ZNF638: variants seen among roughly 807,000 people sequenced by gnomAD.
ZNF638 encodes CTCL tumor antigen se33-1.
ZNF638 carries 46 observed loss-of-function variants against 195.6 expected under a neutral mutation model. The ratio of observed to expected loss-of-function variants is 0.24; its 90% confidence interval spans 0.19 to 0.30. ZNF638 has a LOEUF of 0.30. ZNF638 is among the 10% of genes least tolerant of loss of function. The pLI, the probability that ZNF638 is intolerant of heterozygous loss-of-function variation, is 1.00. For synonymous variants in ZNF638, 845 were observed against 772.0 expected, an observed-to-expected ratio of 1.09 and a Z score of -1.57; for missense variants, 2,440 against 2,325.3, an observed-to-expected ratio of 1.05 and a Z score of -1.01.
chr2:71,380,163 A>G (rs369201668), intron 8 of ZNF638, 59 bp from the exon 9 acceptor site: 3 of 1,009,390 alleles, frequency 3.0e-6, no homozygotes, highest in South Asian at 3.8e-5. Context: ...TTTTTGTTCT[A>G]TATTTTCTAA....
intron 20 of ZNF638, among the ~76,000 whole-genome samples, chr2:71,417,218 C>T (rs1297755101): frequency 1.3e-5 from 2 of 151,698 alleles, no homozygotes; most frequent in Non-Finnish European, 2.9e-5. Context: ...GCGCAATATT[C>T]GGGTGGGAGT....
chr2:71,396,246 A>G (rs1244849526), intron 11 of ZNF638, 55 bp downstream of exon 11: 9 of 1,431,860 alleles, frequency 6.3e-6, no homozygotes, highest in African/African-American at 2.8e-5. Flanking sequence ...AATGTATTTT[A>G]AAATCGTATG....
intron 21 of ZNF638, among the ~76,000 whole-genome samples, chr2:71,419,220 T>G (rs183880487): frequency 8.5e-5 from 13 of 152,350 alleles, no homozygotes; most frequent in African/African-American, 3.1e-4. Flanking sequence ...AATAACTTTC[T>G]CATTCTGATG....
At chr2:71,411,915 G>A in intron 20 of ZNF638, among the ~76,000 whole-genome samples, 1 of 63,182 alleles carries the variant, frequency 1.6e-5, no homozygotes, top group East Asian at 5.8e-4. Context: ...TTGCTATTGT[G>A]AATAGTGCCG....
intron 3 of ZNF638, among the ~76,000 whole-genome samples, chr2:71,359,271 C>T (rs1030565402): frequency 6.6e-6 from 1 of 152,130 alleles, no homozygotes; most frequent in Non-Finnish European, 1.5e-5. Flanking sequence ...AGCTTCCAAA[C>T]CAAGGAAGCT....
At chr2:71,331,985 A>C in intron 1 of ZNF638, 110 bp downstream of exon 1, 1 of 942,758 alleles carries the variant, frequency 1.1e-6, no homozygotes, top group Non-Finnish European at 1.3e-6. Context: ...TCTGTGTCGC[A>C]GCGGCTCCGC....
At chr2:71,345,863 T>C (rs931874078) in intron 1 of ZNF638, among the ~76,000 whole-genome samples, 11 of 152,210 alleles carry the variant, frequency 7.2e-5, no homozygotes, top group African/African-American at 2.7e-4. Flanking sequence ...AAGGCAAGTA[T>C]GGTGGCCTTC....
At chr2:71,378,785 A>G (rs1487341756) in intron 8 of ZNF638, among the ~76,000 whole-genome samples, 1 of 152,180 alleles carries the variant, frequency 6.6e-6, no homozygotes, top group Non-Finnish European at 1.5e-5. Context: ...GAAGAAGATG[A>G]GGGAACAAAC....
intron 9 of ZNF638, 101 bp from the exon 10 acceptor site, chr2:71,380,407 CAGTTG>C: frequency 8.8e-7 from 1 of 1,140,034 alleles, no homozygotes; most frequent in Non-Finnish European, 1.2e-6. Context: ...GATATCACTC[CAGTTG>C]AATTATTTTA....
intron 1 of ZNF638, among the ~76,000 whole-genome samples, chr2:71,343,566 G>A (rs1284383420): frequency 1.3e-5 from 2 of 152,170 alleles, no homozygotes; most frequent in Non-Finnish European, 2.9e-5. Context: ...GAAGGCATTA[G>A]GCATGTAGCA....
intron 1 of ZNF638, among the ~76,000 whole-genome samples, chr2:71,347,849 C>G (rs951007206): frequency 2.0e-5 from 3 of 152,176 alleles, no homozygotes; most frequent in Admixed American, 2.0e-4. Flanking sequence ...GATTACTGGA[C>G]CAGATAACCT....
At chr2:71,406,672 T>G (rs2080111490) in intron 19 of ZNF638, among the ~76,000 whole-genome samples, 1 of 152,076 alleles carries the variant, frequency 6.6e-6, no homozygotes. Flanking sequence ...AACACCTGAG[T>G]TAGGTCTATT....
At position 71,352,464 on chromosome 2, in the gene ZNF638, CGAGACTCCA is replaced by C. The variant is rs1558835980; in HGVS notation, c.1317+2194_1317+2202del. On this transcript the variant is annotated intron_variant, in intron 2 of 27. Coordinates refer to ENST00000264447, the MANE Select transcript of ZNF638 (RefSeq NM_014497.5). ...CTGCACTCCAGCCTGGGTGACAGAG[CGAGACTCCA>C]TCTCAAAAAAAATAAAAAAAATAAA... Among the ~76,000 whole-genome samples the C allele has an allele frequency of 4.2e-5, 6 of 141,406 alleles. No homozygotes were observed. In the South Asian group the frequency reaches 9.0e-4, roughly 21 times the overall value. 92.8% of individuals were successfully genotyped at this position (141,406 alleles called of 152,430 possible). A position where few individuals can be genotyped will look rare whatever the true frequency, so the allele number is the denominator to read the frequency against.
Position 71,427,346 on chromosome 2 carries a change from A to G in ZNF638, c.5477A>G (p.Gln1826Arg). 1 of 1,602,686 alleles carries G rather than the reference A, an allele frequency of 6.2e-7. No individual in the cohort carries two copies. The highest frequency in any genetic ancestry group is 8.5e-7 in the Non-Finnish European group (1 of 1,177,322). ...AAGACAAAACTTGAATCCTTGTCCC[A>G]AGTGGGTCCAGTAAATGAGAATGTT... is the stretch of plus-strand genomic sequence containing the variant. ...TKKTKLESLS[Q>R]VGPVNENVME... The change falls in exon 24 of 28, where the codon CAA becomes CGA. Residue 1826 changes from glutamine to arginine, a missense_variant. Gln to Arg is a conservative substitution (Grantham distance 43, BLOSUM62 1). Around this residue, in one of 5 missense-constraint regions of ZNF638, gnomAD observed 1,883 missense variants for 1,739.1 expected, o/e 1.08. Coordinates refer to ENST00000264447, the MANE Select transcript of ZNF638 (RefSeq NM_014497.5).
Position 71,372,319 on chromosome 2 carries a change from T to C in ZNF638, c.2265+2314T>C, listed in dbSNP as rs546439642. ...AGACTTGCCAAGAAATTCAGATTCTTATTGCCGGGATGGATGAGTCCTCTT... is the reference window on the plus strand; with the variant it reads ...AGACTTGCCAAGAAATTCAGATTCTCATTGCCGGGATGGATGAGTCCTCTT... On this transcript the variant is annotated intron_variant, in intron 8 of 27. Coordinates refer to ENST00000264447, the MANE Select transcript of ZNF638 (RefSeq NM_014497.5). Among the ~76,000 whole-genome samples the C allele has an allele frequency of 2.0e-5, 3 of 152,310 alleles. 1 individual carries two copies. The South Asian group carries it at 6.2e-4, about 32-fold the overall frequency.
At chr2:71,407,450 C>G (rs2080128230) in intron 19 of ZNF638, 1 of 152,174 alleles carries the variant, frequency 6.6e-6, no homozygotes, top group South Asian at 2.1e-4. Flanking sequence ...ATTAACCTTA[C>G]CTTTGTAGTC....
intron 3 of ZNF638, among the ~76,000 whole-genome samples, chr2:71,359,238 G>A (rs1351086830): frequency 6.6e-6 from 1 of 152,194 alleles, no homozygotes; most frequent in South Asian, 2.1e-4. Context: ...GTTTCTGGTA[G>A]TGTGGCTCAG....
intron 13 of ZNF638, among the ~76,000 whole-genome samples, 166 bp downstream of exon 13, chr2:71,399,811 A>G (rs976410944): frequency 6.6e-6 from 1 of 151,948 alleles, no homozygotes; most frequent in Non-Finnish European, 1.5e-5. Context: ...CCCATTAGTT[A>G]TTTTTCCTGA....
At chr2:71,351,910 T>C (rs1483975496) in intron 2 of ZNF638, among the ~76,000 whole-genome samples, 7 of 152,220 alleles carry the variant, frequency 4.6e-5, no homozygotes, top group African/African-American at 1.7e-4. Flanking sequence ...CAGGCATGTA[T>C]CACTCAGGCC....
Sources: allele counts gnomAD v4.1 joint callset (sites outside exome capture counted in the v4.1 genomes callset), GRCh38; gene constraint gnomAD v4.1.1; regional missense constraint gnomAD v4.1.1; transcripts MANE v1.5; gene names NCBI Gene and HGNC (gene_info 2026-07-23, HGNC 2026-07-21).